Variants in ZBTB11 observed in about 807,000 individuals in gnomAD.
ZBTB11 encodes the protein zinc finger and BTB domain-containing protein 11.
ZBTB11 carries 68 observed loss-of-function variants against 113.1 expected under a neutral mutation model. The ratio of observed to expected loss-of-function variants is 0.60; its 90% CI spans 0.49 to 0.74. The LOEUF is 0.74. Ranked by LOEUF, ZBTB11 falls within the 30% of genes least tolerant of loss-of-function variation. The probability of loss-of-function intolerance (pLI) is 0.00; values close to 1 mark genes in which losing one functional copy is unlikely to be tolerated. For synonymous variants in ZBTB11, 518 were observed against 452.6 expected (o/e 1.14, Z -1.83); for missense variants, 1,104 against 1,279.4 (o/e 0.86, Z 2.09).
At chr3:101,671,891 A>T in intron 2 of ZBTB11, 87 bp downstream of exon 2, 1 of 984,920 alleles carries the variant, frequency 1.0e-6, no homozygotes, top group Non-Finnish European at 1.6e-6. Flanking sequence ...AAGCAGTCTT[A>T]GTGGTTTGAG....
chr3:101,663,519 G>A (rs1936928310), intron 5 of ZBTB11, among the ~76,000 whole-genome samples: 1 of 152,208 alleles, frequency 6.6e-6, no homozygotes, highest in Admixed American at 6.5e-5. Flanking sequence ...GTCAGTAGCT[G>A]TCTTTTGTTA....
chr3:101,661,091 G>A (rs1199753478), intron 5 of ZBTB11, among the ~76,000 whole-genome samples: 1 of 151,990 alleles, frequency 6.6e-6, no homozygotes, highest in Middle Eastern at 3.4e-3. Context: ...AAAATTAGCC[G>A]AGCATTATGG....
intron 1 of ZBTB11, among the ~76,000 whole-genome samples, chr3:101,674,659 ACTGCACTCCAGC>A (rs1215762816): frequency 6.6e-6 from 1 of 152,104 alleles, no homozygotes; most frequent in East Asian, 1.9e-4. Flanking sequence ...ATATCGCGCC[ACTGCACTCCAGC>A]CTGGGCAACA....
rs1451021578 is a variant in ZBTB11, at chr3:101,650,984, A to T, written c.*182T>A. 1 of 573,144 alleles carries T rather than the reference A, an allele frequency of 1.7e-6. No individual in the cohort carries two copies. The highest frequency in any genetic ancestry group is 2.9e-6 in the Non-Finnish European group (1 of 349,260). The allele number at this position is 573,144 out of a possible 1,614,324, so 35.5% of individuals were successfully genotyped here. A position where few individuals can be genotyped will look rare whatever the true frequency, so the allele number is the denominator to read the frequency against. On this transcript the variant is annotated 3_prime_UTR_variant, in exon 11 of 11. Transcript: ENST00000312938. ...ATAGATCTGTTTTCAATTTCTCTACACTAAACGGACTTTTCTATAGAACCC... is the reference window on the plus strand; with the variant it reads ...ATAGATCTGTTTTCAATTTCTCTACTCTAAACGGACTTTTCTATAGAACCC...
At position 101,656,266 on chromosome 3, in the gene ZBTB11, T is replaced by G. The variant is rs1936796693; in HGVS notation, c.2047-18A>C. On this transcript the variant is annotated intron_variant, in intron 6 of 10. Coordinates refer to ENST00000312938, the MANE Select transcript of ZBTB11 (RefSeq NM_014415.4). Reference sequence around the variant, plus strand: ...CCACAGACCTAAGATAGAACAGGGGTGATTAAGTCAATAAAACAAAAAGGG... The same window carrying G: ...CCACAGACCTAAGATAGAACAGGGGGGATTAAGTCAATAAAACAAAAAGGG... 7.2e-7 allele frequency: 1 copy of G among 1,388,090 alleles called. No homozygotes were observed. Among genetic ancestry groups the G allele is most frequent in the Admixed American group, 2.7e-5 (1 of 37,334 alleles). 86.0% of individuals were successfully genotyped at this position (1,388,090 alleles called of 1,614,324 possible).
At chr3:101,670,963 C>A in intron 3 of ZBTB11, 167 bp downstream of exon 3, 1 of 585,178 alleles carries the variant, frequency 1.7e-6, no homozygotes. Context: ...TTCCATAACT[C>A]TACCACAGAA....
intron 10 of ZBTB11, 107 bp from the exon 11 acceptor site, chr3:101,651,790 CT>C: frequency 1.7e-6 from 2 of 1,173,642 alleles, no homozygotes; most frequent in Non-Finnish European, 2.3e-6. Flanking sequence ...GCTCATAAGC[CT>C]TTCTATCTGG....
chr3:101,661,681 T>G (rs937152079), intron 5 of ZBTB11, among the ~76,000 whole-genome samples: 2 of 152,220 alleles, frequency 1.3e-5, no homozygotes, highest in African/African-American at 4.8e-5. Flanking sequence ...TGGCAACTTA[T>G]TTTATTTTTG....
At position 101,652,667 on chromosome 3, in the gene ZBTB11, T is replaced by G; in HGVS notation, c.2473A>C (p.Asn825His). The change falls in exon 10 of 11, where the codon AAT becomes CAT. Residue 825 changes from asparagine to histidine, a missense_variant. Asn to His is a moderately conservative substitution (Grantham distance 68). Around this residue, in one of 5 missense-constraint regions of ZBTB11, gnomAD observed 148 missense variants for 259.3 expected, o/e 0.57. Transcript: ENST00000312938. ...TCATAAAATTCTTTGCCACATATAT[T>G]ACACCTAAAATAGGGGAAAAGACCC... ...SHSVTEPYRC[N>H]ICGKEFYEKA... is the part of the protein sequence containing the mutation. 2.5e-6 allele frequency: 4 copies of G among 1,613,642 alleles called. No individual in the cohort carries two copies. The highest frequency in any genetic ancestry group is 2.5e-6 in the Non-Finnish European group (3 of 1,179,930).
At chr3:101,664,164 G>A (rs887771595) in intron 5 of ZBTB11, among the ~76,000 whole-genome samples, 4 of 152,076 alleles carry the variant, frequency 2.6e-5, no homozygotes, top group African/African-American at 9.7e-5. Flanking sequence ...AATTCAATTT[G>A]GGTTGATTCT....
At chr3:101,654,428 A>G (rs905876587) in intron 8 of ZBTB11, among the ~76,000 whole-genome samples, 2 of 152,106 alleles carry the variant, frequency 1.3e-5, no homozygotes, top group Non-Finnish European at 2.9e-5. Context: ...AGAGGGGGGG[A>G]AAGAAACTGG....
At chr3:101,674,372 C>A (rs1018143180) in intron 1 of ZBTB11, among the ~76,000 whole-genome samples, 1 of 151,928 alleles carries the variant, frequency 6.6e-6, no homozygotes, top group Admixed American at 6.6e-5. Context: ...TTAAATATAA[C>A]TTTATCAAAA....
chr3:101,675,361 G>A (rs772815845), intron 1 of ZBTB11, among the ~76,000 whole-genome samples: 28 of 152,204 alleles, frequency 1.8e-4, no homozygotes, highest in Admixed American at 2.0e-4. Context: ...ATAAATGGAA[G>A]AATTTGATTA....
intron 3 of ZBTB11, among the ~76,000 whole-genome samples, chr3:101,667,199 A>G (rs1435550048): frequency 6.6e-6 from 1 of 152,028 alleles, no homozygotes; most frequent in African/African-American, 2.4e-5. Flanking sequence ...GCAGGCGTGC[A>G]CCTGGTTATT....
chr3:101,651,763 T>A (rs1446828183), intron 10 of ZBTB11, 80 bp from the exon 11 acceptor site: 1 of 1,392,670 alleles, frequency 7.2e-7, no homozygotes, highest in Non-Finnish European at 9.5e-7. Context: ...AACTTCCTTT[T>A]ATTAAAAAGT....
intron 3 of ZBTB11, among the ~76,000 whole-genome samples, chr3:101,666,797 T>A (rs545014896): frequency 4.6e-5 from 7 of 152,282 alleles, no homozygotes; most frequent in Admixed American, 4.6e-4. Flanking sequence ...GTGGCCAGGC[T>A]AGAGTGCAGT....
Position 101,672,165 on chromosome 3 carries a change from T to C in ZBTB11, c.359A>G (p.Gln120Arg). ...KDYIKQCSKC[Q>R]EKLDRSRPIS... ...TGGACGGGATCGATCTAGTTTCTCCTGGCATTTGCTACACTGTTTAATGTA... is the reference window on the plus strand; with the variant it reads ...TGGACGGGATCGATCTAGTTTCTCCCGGCATTTGCTACACTGTTTAATGTA... The change falls in exon 2 of 11, where the codon CAG (glutamine) becomes CGG (arginine). Residue 120 changes from glutamine to arginine, a missense_variant. Physicochemically the swap from Gln to Arg is conservative, Grantham distance 43 (BLOSUM62 1). Transcript: ENST00000312938. 1 of 1,614,114 alleles carries C rather than the reference T, an allele frequency of 6.2e-7. No homozygotes were observed. The highest frequency in any genetic ancestry group is 8.5e-7 in the Non-Finnish European group (1 of 1,179,982).
intron 1 of ZBTB11, among the ~76,000 whole-genome samples, chr3:101,672,515 G>A (rs1203018145): frequency 6.6e-6 from 1 of 152,136 alleles, no homozygotes; most frequent in African/African-American, 2.4e-5. Flanking sequence ...CATGCAAGAG[G>A]AACTATATGA....
chr3:101,656,260 C>A lies in ZBTB11; in HGVS notation c.2047-12G>T. Reference sequence around the variant, plus strand: ...GTCTTTCCACAGACCTAAGATAGAACAGGGGTGATTAAGTCAATAAAACAA... The same window carrying A: ...GTCTTTCCACAGACCTAAGATAGAAAAGGGGTGATTAAGTCAATAAAACAA... On this transcript the variant is annotated splice_polypyrimidine_tract_variant and intron_variant, in intron 6 of 10. Transcript: ENST00000312938. The A allele has an allele frequency of 6.9e-7, 1 of 1,449,670 alleles. No homozygotes were observed. The highest frequency in any genetic ancestry group is 9.1e-7 in the Non-Finnish European group (1 of 1,095,154). The allele number at this position is 1,449,670 out of a possible 1,614,324, so 89.8% of individuals were successfully genotyped here. A position where few individuals can be genotyped will look rare whatever the true frequency, so the allele number is the denominator to read the frequency against.
Sources: allele counts gnomAD v4.1 joint callset (sites outside exome capture counted in the v4.1 genomes callset), GRCh38; gene constraint gnomAD v4.1.1; regional missense constraint gnomAD v4.1.1; transcripts MANE v1.5; gene names NCBI Gene and HGNC (gene_info 2026-07-23, HGNC 2026-07-21).